The following HOXB3 variants were observed in gnomAD, a reference collection of about 807,000 sequenced individuals.
The protein encoded by HOXB3 is homeobox protein Hox-B3.
A neutral mutation model predicts 29.2 loss-of-function variants in HOXB3; 17 were observed. The ratio of observed to expected loss-of-function variants is 0.58; its 90% confidence interval spans 0.40 to 0.87. The LOEUF is 0.87. Ranked by LOEUF, HOXB3 falls within the 40% of genes least tolerant of loss-of-function variation. HOXB3 has a pLI of 0.00. For synonymous variants in HOXB3, 317 were observed against 285.9 expected (o/e 1.11, Z -1.10); for missense variants, 637 against 616.3 (o/e 1.03, Z -0.35).
chr17:48,588,202 A>G (rs1027040931), intron 1 of HOXB3, among the ~76,000 whole-genome samples: 2 of 152,188 alleles, frequency 1.3e-5, no homozygotes, highest in Non-Finnish European at 2.9e-5. Flanking sequence ...ACTGGGGTTC[A>G]GCTCAGGGAG....
At chr17:48,564,754 G>A (rs890309153) in intron 2 of HOXB3, among the ~76,000 whole-genome samples, 1 of 152,244 alleles carries the variant, frequency 6.6e-6, no homozygotes, top group African/African-American at 2.4e-5. Flanking sequence ...ACCCGGCAGA[G>A]AAGGGAGGGG....
chr17:48,551,373 A>G (rs534638013), intron 4 of HOXB3, 192 bp from the exon 5 acceptor site: 16 of 502,804 alleles, frequency 3.2e-5, no homozygotes, highest in African/African-American at 2.5e-4. Context: ...CGGACACTCT[A>G]TAATAGTGGC....
intron 1 of HOXB3, among the ~76,000 whole-genome samples, chr17:48,587,164 C>T (rs1466578383): frequency 6.6e-6 from 1 of 152,164 alleles, no homozygotes; most frequent in African/African-American, 2.4e-5. Flanking sequence ...GCCCTCCAAT[C>T]TCAACCTCAG....
Position 48,552,443 on chromosome 17 carries a change from G to A in HOXB3, c.32C>T (p.Ala11Val). MQKATYYDNA[A>V]AALFGGYSSY... is the part of the protein sequence containing the mutation. Reference sequence around the variant, plus strand: ...GGAATAGCCTCCGAAGAGAGCAGCCGCGGCGTTGTCGTAGTAGGTGGCTTT... The same window carrying A: ...GGAATAGCCTCCGAAGAGAGCAGCCACGGCGTTGTCGTAGTAGGTGGCTTT... The change falls in exon 4 of 5, where the codon GCG (alanine) becomes GTG (valine). Residue 11 changes from alanine to valine, a missense_variant. Coordinates refer to ENST00000498678, the MANE Select transcript of HOXB3 (RefSeq NM_001384749.1). The A allele has an allele frequency of 6.3e-7, 1 of 1,587,184 alleles. No homozygotes were observed. The highest frequency in any genetic ancestry group is 8.6e-7 in the Non-Finnish European group (1 of 1,163,966).
intron 1 of HOXB3, among the ~76,000 whole-genome samples, chr17:48,583,672 C>T (rs1173025062): frequency 6.6e-6 from 1 of 152,226 alleles, no homozygotes; most frequent in Non-Finnish European, 1.5e-5. Flanking sequence ...AGCCCAGGAC[C>T]TTGGGCTGCT....
At chr17:48,580,527 T>A (rs1263296192) in intron 1 of HOXB3, 2 of 151,766 alleles carry the variant, frequency 1.3e-5, no homozygotes, top group African/African-American at 4.9e-5. Flanking sequence ...GAAACAGCTG[T>A]AAAGAAAAAT....
At position 48,554,508 on chromosome 17, in the gene HOXB3, C is replaced by T; in HGVS notation, c.-159+1023G>A. ...GACGCGATAGGAAAGAATGGAGACT[C>T]CGCCGGTGGTGCAGACAGGGCTGGG... On this transcript the variant is annotated intron_variant, in intron 3 of 4. Transcript: ENST00000498678. The surrounding 1 kb of genome is among the most constrained non-coding windows in gnomAD (Gnocchi z 4.1). 1.6e-6 allele frequency: 1 copy of T among 636,282 alleles called. No individual in the cohort carries two copies. Among genetic ancestry groups the T allele is most frequent in the Non-Finnish European group, 2.8e-6 (1 of 355,274 alleles). 39.4% of individuals were successfully genotyped at this position (636,282 alleles called of 1,614,324 possible). A position where few individuals can be genotyped will look rare whatever the true frequency, so the allele number is the denominator to read the frequency against.
At chr17:48,579,314 A>G (rs1400072948) in intron 1 of HOXB3, 1 of 152,288 alleles carries the variant, frequency 6.6e-6, no homozygotes. Context: ...AGACGTTCTA[A>G]TTGTCGCCGC....
intron 1 of HOXB3, chr17:48,578,214 C>T (rs1455131343): frequency 3.1e-6 from 5 of 1,613,724 alleles, no homozygotes; most frequent in Non-Finnish European, 2.5e-6. Context: ...GCGTAGTACC[C>T]GGGCGAGTGG....
chr17:48,573,825 G>A lies in HOXB3; in HGVS notation c.-247+12C>T, dbSNP rs969371786. The A allele has an allele frequency of 8.5e-6, 6 of 701,892 alleles. No homozygotes were observed. The highest frequency in any genetic ancestry group is 7.0e-5 in the African/African-American group (4 of 57,178). 43.5% of individuals were successfully genotyped at this position (701,892 alleles called of 1,614,324 possible). On this transcript the variant is annotated intron_variant, in intron 2 of 4. Transcript: ENST00000498678. Reference sequence around the variant, plus strand: ...GATCAAAACACGCCAGCCCGGGCCCGGGCTTTGTTACCTTTGCGCCTCTCG... The same window carrying A: ...GATCAAAACACGCCAGCCCGGGCCCAGGCTTTGTTACCTTTGCGCCTCTCG...
chr17:48,552,581 C>CT lies in HOXB3; in HGVS notation c.-108_-107insA. 1 of 771,962 alleles carries CT rather than the reference C, an allele frequency of 1.3e-6. No individual in the cohort carries two copies. The allele number at this position is 771,962 out of a possible 1,614,324, so 47.8% of individuals were successfully genotyped here. A position where few individuals can be genotyped will look rare whatever the true frequency, so the allele number is the denominator to read the frequency against. On this transcript the variant is annotated 5_prime_UTR_variant, in exon 4 of 5. An upstream open reading frame in the 5' UTR gains an earlier in-frame stop. Transcript: ENST00000498678. ...CACGTGACACGCCGGACCCCCCCCCCCCACCTCCCCTCTCTGCCCCCCTCC... is the reference window on the plus strand; with the variant it reads ...CACGTGACACGCCGGACCCCCCCCCCTCCACCTCCCCTCTCTGCCCCCCTCC...
At chr17:48,584,789 C>G (rs964518702) in intron 1 of HOXB3, among the ~76,000 whole-genome samples, 2 of 152,114 alleles carry the variant, frequency 1.3e-5, no homozygotes, top group Non-Finnish European at 2.9e-5. Flanking sequence ...TCCTCAGTTT[C>G]CCTTCCCCAG....
At chr17:48,582,453 G>A (rs2069967681) in intron 1 of HOXB3, 1 of 151,862 alleles carries the variant, frequency 6.6e-6, no homozygotes, top group Non-Finnish European at 1.5e-5. Context: ...TTTTTTTTTG[G>A]TGTGTTTTTG....
intron 2 of HOXB3, among the ~76,000 whole-genome samples, chr17:48,569,391 T>C (rs890771433): frequency 5.3e-5 from 8 of 151,732 alleles, no homozygotes; most frequent in African/African-American, 1.9e-4. Flanking sequence ...TGCAGCTCCC[T>C]AACCCCCATG....
Position 48,550,877 on chromosome 17 carries a change from T to TTC in HOXB3, c.752_753insGA (p.Leu252AsnfsTer26), listed in dbSNP as rs1567943550. On this transcript the variant is annotated frameshift_variant, in exon 5 of 5. Coordinates refer to ENST00000498678, the MANE Select transcript of HOXB3 (RefSeq NM_001384749.1). LOFTEE classifies it high-confidence loss of function. ...ATGGGCCCCCCGACGACGAGGCCAA[T>TTC]CCCTTGGCCTTCTGGTCCTTCTTGT... The TTC allele has an allele frequency of 6.2e-7, 1 of 1,613,770 alleles. No homozygotes were observed. The highest frequency in any genetic ancestry group is 8.5e-7 in the Non-Finnish European group (1 of 1,179,852).
At chr17:48,572,038 G>C (rs1049795460) in intron 2 of HOXB3, among the ~76,000 whole-genome samples, 2 of 152,210 alleles carry the variant, frequency 1.3e-5, no homozygotes, top group African/African-American at 4.8e-5. Context: ...CTCTCCCTAA[G>C]AGGGTGGCTG....
intron 1 of HOXB3, chr17:48,576,739 C>T: frequency 6.2e-7 from 1 of 1,605,580 alleles, no homozygotes; most frequent in South Asian, 1.1e-5. Flanking sequence ...GCGCGGGGGC[C>T]TCCATTGGGC....
At position 48,554,985 on chromosome 17, in the gene HOXB3, T is replaced by C. The variant is rs1049110057; in HGVS notation, c.-159+546A>G. The stretch of plus-strand genomic sequence containing the variant: ...CCATGTTGGAAAAATTCAGGTTCCA[T>C]ATGGCTCCTCGGGAGGGAGGGAGGG... On this transcript the variant is annotated intron_variant, in intron 3 of 4. Coordinates refer to ENST00000498678, the MANE Select transcript of HOXB3 (RefSeq NM_001384749.1). This position sits in a 1 kb window ranked among gnomAD's most constrained non-coding sequence, Gnocchi z 4.1. 10 of 601,158 alleles carry C rather than the reference T, an allele frequency of 1.7e-5. No homozygotes were observed. The Admixed American group carries it at 2.7e-4, about 16-fold the overall frequency. The allele number at this position is 601,158 out of a possible 1,614,324, so 37.2% of individuals were successfully genotyped here.
intron 2 of HOXB3, among the ~76,000 whole-genome samples, chr17:48,572,030 C>G (rs2069602312): frequency 6.6e-6 from 1 of 152,252 alleles, no homozygotes; most frequent in Admixed American, 6.5e-5. Flanking sequence ...GTCTCTGTCT[C>G]TCCCTAAGAG....
Sources: gnomAD v4.1 joint callset for allele counts (sites outside exome capture counted in the v4.1 genomes callset) on GRCh38, gnomAD v4.1.1 for gene constraint, Gnocchi (gnomAD v3.1) non-coding constraint, MANE v1.5 for transcripts, NCBI Gene and HGNC (gene_info 2026-07-23, HGNC 2026-07-21) for gene names.